DBP: variants seen among roughly 807,000 people sequenced by gnomAD.
DBP encodes the protein D-box binding PAR bZIP transcription factor, also known as D site-binding protein.
A neutral mutation model predicts 21.4 loss-of-function variants in DBP; 12 were observed. The ratio of observed to expected loss-of-function variants is 0.56; its 90% CI spans 0.36 to 0.91. DBP has a LOEUF of 0.91. Ranked by LOEUF, DBP falls within the 40% of genes least tolerant of loss-of-function variation. The probability of loss-of-function intolerance (pLI) is 0.01; values close to 1 mark genes in which losing one functional copy is unlikely to be tolerated. For missense variants in DBP, 423 were observed against 473.4 expected, an observed-to-expected ratio of 0.89 and a Z score of 0.99; for synonymous variants, 213 against 224.9, an observed-to-expected ratio of 0.95 and a Z score of 0.47.
At chr19:48,634,732 G>A (rs2030721388) in intron 2 of DBP, 2 of 985,440 alleles carry the variant, frequency 2.0e-6, no homozygotes, top group Admixed American at 6.1e-5. Context: ...GAAGGGTAGG[G>A]CCCTGGTTCG....
chr19:48,634,713 T>C, intron 2 of DBP: 1 of 985,468 alleles, frequency 1.0e-6, no homozygotes, highest in Non-Finnish European at 1.2e-6. Context: ...CGCAGGAATG[T>C]GCCGCTGGGA....
At chr19:48,636,415 C>G (rs1193225626) in intron 1 of DBP, among the ~76,000 whole-genome samples, 1 of 152,022 alleles carries the variant, frequency 6.6e-6, no homozygotes, top group African/African-American at 2.4e-5. Context: ...CCCTCCCCCA[C>G]CATCTGTAAG....
intron 1 of DBP, 63 bp downstream of exon 1, chr19:48,636,793 C>T (rs2030820992): frequency 1.3e-6 from 2 of 1,567,658 alleles, no homozygotes; most frequent in Non-Finnish European, 1.7e-6. Context: ...CCCCACCCCA[C>T]GGCACCTGAG....
At chr19:48,633,270 G>T in intron 3 of DBP, 174 bp downstream of exon 3, 1 of 713,518 alleles carries the variant, frequency 1.4e-6, no homozygotes, top group Non-Finnish European at 2.5e-6. Flanking sequence ...TAAACCTCAG[G>T]CCCCTGCCCC....
intron 2 of DBP, chr19:48,635,087 C>T: frequency 2.0e-6 from 2 of 987,460 alleles, no homozygotes; most frequent in Non-Finnish European, 2.4e-6. Flanking sequence ...GCACGCCCCA[C>T]TGGGGGACCC....
chr19:48,634,838 C>G, intron 2 of DBP: 4 of 985,658 alleles, frequency 4.1e-6, no homozygotes, highest in Non-Finnish European at 4.8e-6. Context: ...AACATCTTTC[C>G]TCTTGCTCTT....
rs2030758502 is a variant in DBP, at chr19:48,635,633, G to A, written c.497C>T (p.Pro166Leu). ...GGCAGCCCGGGCGGGGGCGTGCCCA[G>A]GAGAGGAGCGGGGGGAAGCCGAGCC... ...SCGSASPRSS[P>L]GHAPARAALG... The change falls in exon 2 of 4, where the codon CCT becomes CTT. Residue 166 changes from proline to leucine, a missense_variant. Pro to Leu is a moderately conservative substitution (Grantham distance 98). Around this residue, in one of 4 missense-constraint regions of DBP, gnomAD observed 283 missense variants for 273.7 expected, o/e 1.03. Coordinates refer to ENST00000222122, the MANE Select transcript of DBP (RefSeq NM_001352.5). The A allele has an allele frequency of 7.5e-7, 1 of 1,329,526 alleles. No individual in the cohort carries two copies. The highest frequency in any genetic ancestry group is 9.5e-7 in the Non-Finnish European group (1 of 1,048,234). 82.4% of individuals were successfully genotyped at this position (1,329,526 alleles called of 1,614,324 possible).
intron 2 of DBP, chr19:48,634,230 C>T (rs1409058128): frequency 6.3e-6 from 1 of 158,958 alleles, no homozygotes; most frequent in African/African-American, 2.4e-5. Context: ...CTAGGTAACA[C>T]ACGAATCAGG....
At position 48,630,614 on chromosome 19, in the gene DBP, A is replaced by T. The variant is rs931085719; in HGVS notation, c.*223T>A. ...GTGTTAACGGAGGCGGTGGGAGGATAGGGTCCCTGACGTGCCGGGGACACA... is the reference window on the plus strand; with the variant it reads ...GTGTTAACGGAGGCGGTGGGAGGATTGGGTCCCTGACGTGCCGGGGACACA... On this transcript the variant is annotated 3_prime_UTR_variant, in exon 4 of 4. Coordinates refer to ENST00000222122, the MANE Select transcript of DBP (RefSeq NM_001352.5). The surrounding 1 kb of genome is among the most constrained non-coding windows in gnomAD (Gnocchi z 4.9). 9 of 1,524,116 alleles carry T rather than the reference A, an allele frequency of 5.9e-6. No individual in the cohort carries two copies. The highest frequency in any genetic ancestry group is 1.7e-4 in the Middle Eastern group (1 of 5,936). 94.4% of individuals were successfully genotyped at this position (1,524,116 alleles called of 1,614,324 possible). A position where few individuals can be genotyped will look rare whatever the true frequency, so the allele number is the denominator to read the frequency against.
chr19:48,636,678 G>C (rs78451415), intron 1 of DBP, among the ~76,000 whole-genome samples, 178 bp downstream of exon 1: 7,506 of 152,126 alleles, frequency 0.049, 604 homozygotes, highest in African/African-American at 0.17. Context: ...CAGAGCCGGC[G>C]CTTTTGGGTC....
In DBP at chr19:48,630,409, C is replaced by T. The variant is rs958121554; in HGVS notation, c.*428G>A. ...GGCAGTCGCTTCATTCCTCTCAGACCTTCTGCCCTTCCTCCATCCGACAGC... is the reference window on the plus strand; with the variant it reads ...GGCAGTCGCTTCATTCCTCTCAGACTTTCTGCCCTTCCTCCATCCGACAGC... On this transcript the variant is annotated 3_prime_UTR_variant, in exon 4 of 4. Transcript: ENST00000222122. This position sits in a 1 kb window ranked among gnomAD's most constrained non-coding sequence, Gnocchi z 4.9. 7.1e-6 allele frequency: 10 copies of T among 1,411,962 alleles called. No homozygotes were observed. In the African/African-American group the frequency reaches 1.2e-4, roughly 16 times the overall value. The allele number at this position is 1,411,962 out of a possible 1,614,324, so 87.5% of individuals were successfully genotyped here.
rs771876216 is a variant in DBP at position 48,630,459 on chromosome 19, A to G, written c.*378T>C. The stretch of plus-strand genomic sequence containing the variant: ...CCCGCGGGAGGACTCAGACTCCAGC[A>G]CTTCCAGCAGCGCCTGCCCTCTATG... On this transcript the variant is annotated 3_prime_UTR_variant, in exon 4 of 4. Coordinates refer to ENST00000222122, the MANE Select transcript of DBP (RefSeq NM_001352.5). The surrounding 1 kb of genome is among the most constrained non-coding windows in gnomAD (Gnocchi z 4.9). 6.8e-7 allele frequency: 1 copy of G among 1,466,788 alleles called. No individual in the cohort carries two copies. The highest frequency in any genetic ancestry group is 1.4e-5 in the South Asian group (1 of 73,446). 90.9% of individuals were successfully genotyped at this position (1,466,788 alleles called of 1,614,324 possible). A position where few individuals can be genotyped will look rare whatever the true frequency, so the allele number is the denominator to read the frequency against.
chr19:48,635,387 C>T, intron 2 of DBP, 193 bp downstream of exon 2: 3 of 1,368,512 alleles, frequency 2.2e-6, no homozygotes, highest in Non-Finnish European at 2.8e-6. Flanking sequence ...CTCTCCTCCC[C>T]CATGGATCCA....
intron 2 of DBP, chr19:48,634,813 A>T (rs1421664591): frequency 1.0e-6 from 1 of 985,488 alleles, no homozygotes; most frequent in African/African-American, 1.7e-5. Context: ...GGAGACCTCA[A>T]TGTGCCCAAA....
intron 3 of DBP, chr19:48,633,108 C>G (rs1003702268): frequency 1.9e-6 from 1 of 533,696 alleles, no homozygotes; most frequent in Non-Finnish European, 3.4e-6. Flanking sequence ...GTCCTCCCAC[C>G]TCAGCCTCCC....
chr19:48,630,423 C>T lies in DBP; in HGVS notation c.*414G>A. 2 of 1,420,892 alleles carry T rather than the reference C, an allele frequency of 1.4e-6. No individual in the cohort carries two copies. The highest frequency in any genetic ancestry group is 1.5e-5 in the South Asian group (1 of 65,662). 88.0% of individuals were successfully genotyped at this position (1,420,892 alleles called of 1,614,324 possible). ...TCCTCTCAGACCTTCTGCCCTTCCT[C>T]CATCCGACAGCCCGCGGGAGGACTC... On this transcript the variant is annotated 3_prime_UTR_variant, in exon 4 of 4. Coordinates refer to ENST00000222122, the MANE Select transcript of DBP (RefSeq NM_001352.5). This position sits in a 1 kb window ranked among gnomAD's most constrained non-coding sequence, Gnocchi z 4.9.
At position 48,630,034 on chromosome 19, in the gene DBP, G is replaced by A. The variant is rs1431183542; in HGVS notation, c.*803C>T. 7.5e-7 allele frequency: 1 copy of A among 1,339,348 alleles called. No homozygotes were observed. The highest frequency in any genetic ancestry group is 9.5e-7 in the Non-Finnish European group (1 of 1,047,182). The allele number at this position is 1,339,348 out of a possible 1,614,324, so 83.0% of individuals were successfully genotyped here. A position where few individuals can be genotyped will look rare whatever the true frequency, so the allele number is the denominator to read the frequency against. ...GCGTCTGATCTGGGGCCGCCCTTAC[G>A]GGGCAGGGCTCAGTCCTGACGCTTG... On this transcript the variant is annotated 3_prime_UTR_variant, in exon 4 of 4. Transcript: ENST00000222122. The surrounding 1 kb of genome is among the most constrained non-coding windows in gnomAD (Gnocchi z 4.9).
chr19:48,636,033 G>T, intron 1 of DBP, 43 bp from the exon 2 acceptor site: 1 of 1,464,184 alleles, frequency 6.8e-7, no homozygotes, highest in Non-Finnish European at 9.0e-7. Flanking sequence ...GTGAGGTGGG[G>T]GAGATAGAGA....
intron 2 of DBP, chr19:48,635,146 T>C: frequency 9.9e-7 from 1 of 1,008,794 alleles, no homozygotes; most frequent in South Asian, 3.5e-5. Context: ...CAGAATTCTG[T>C]GCCTCTCCTT....
Sources: allele counts gnomAD v4.1 joint callset (sites outside exome capture counted in the v4.1 genomes callset), GRCh38; gene constraint gnomAD v4.1.1; regional missense constraint gnomAD v4.1.1; non-coding constraint Gnocchi (gnomAD v3.1); transcripts MANE v1.5; gene names NCBI Gene and HGNC (gene_info 2026-07-23, HGNC 2026-07-21).